ROBO2: variants seen among roughly 807,000 people sequenced by gnomAD.
The protein encoded by ROBO2 is roundabout homolog 2.
In ROBO2, 53 loss-of-function variants were observed where a neutral mutation model predicts 160.8. The ratio of observed to expected loss-of-function variants is 0.33; its 90% CI spans 0.26 to 0.41. ROBO2 has a LOEUF of 0.41. Ranked by LOEUF, ROBO2 falls within the 10% of genes least tolerant of loss-of-function variation. The pLI is 1.00. For synonymous variants in ROBO2, 664 were observed against 611.7 expected (o/e 1.09, Z -1.26); for missense variants, 1,577 against 1,722.4 (o/e 0.92, Z 1.49).
chr3:77,233,916 C>T (rs1188230013), intron 2 of ROBO2, among the ~76,000 whole-genome samples: 2 of 152,138 alleles, frequency 1.3e-5, no homozygotes, highest in Non-Finnish European at 2.9e-5. Flanking sequence ...TTAAAATTTG[C>T]ACAACTTAAA....
intron 5 of ROBO2, among the ~76,000 whole-genome samples, chr3:77,499,521 AG>A (rs2087242103): frequency 6.6e-6 from 1 of 152,178 alleles, no homozygotes; most frequent in Non-Finnish European, 1.5e-5. Flanking sequence ...AGTTAACTAC[AG>A]GGAAAAAAAT....
intron 2 of ROBO2, among the ~76,000 whole-genome samples, chr3:77,304,601 A>G (rs900593913): frequency 2.0e-5 from 3 of 152,142 alleles, no homozygotes; most frequent in African/African-American, 7.2e-5. Context: ...AGGGAAGGAG[A>G]ATGATTTTCC....
chr3:76,425,526 CTGTG>C (rs1577103602), intron 2 of ROBO2, among the ~76,000 whole-genome samples: 3 of 75,740 alleles, frequency 4.0e-5, no homozygotes, highest in Admixed American at 1.4e-4. Flanking sequence ...GTGTGTGTGT[CTGTG>C]TGTGTGTGTG....
intron 2 of ROBO2, among the ~76,000 whole-genome samples, chr3:75,970,338 GAA>G (rs1439938906): frequency 1.3e-5 from 2 of 151,464 alleles, no homozygotes; most frequent in Non-Finnish European, 3.0e-5. Context: ...GCACATTTTT[GAA>G]GCACAGGGTA....
At chr3:76,335,209 A>G (rs1228786086) in intron 2 of ROBO2, among the ~76,000 whole-genome samples, 3 of 120,242 alleles carry the variant, frequency 2.5e-5, no homozygotes, top group Admixed American at 1.0e-4. Context: ...TTTGAGACAG[A>G]GTCTCTCTGG....
intron 2 of ROBO2, among the ~76,000 whole-genome samples, chr3:76,203,291 C>T (rs780327772): frequency 9.2e-5 from 14 of 152,180 alleles, no homozygotes; most frequent in Non-Finnish European, 1.6e-4. Flanking sequence ...GGAATGAAAG[C>T]GAAGCCAAGG....
At position 76,209,776 on chromosome 3, in the gene ROBO2, G is replaced by A. The variant is rs370871051; in HGVS notation, c.109+272174G>A. Among the ~76,000 whole-genome samples the A allele has an allele frequency of 2.7e-3, 418 of 152,196 alleles. 3 individuals are homozygous for A. Among genetic ancestry groups the A allele is most frequent in the South Asian group, 0.016 (75 of 4,828 alleles). On this transcript the variant is annotated intron_variant, in intron 2 of 26. Coordinates refer to the ROBO2 transcript ENST00000487694. Reference sequence around the variant, plus strand: ...CAGCTGGGGATTAAACTACACAGGGGTATAGAGAATAAACATGGTCAACAA... The same window carrying A: ...CAGCTGGGGATTAAACTACACAGGGATATAGAGAATAAACATGGTCAACAA...
At chr3:76,600,327 T>G (rs1186382668) in intron 2 of ROBO2, among the ~76,000 whole-genome samples, 2 of 152,214 alleles carry the variant, frequency 1.3e-5, no homozygotes, top group Non-Finnish European at 2.9e-5. Flanking sequence ...AATAACAGAT[T>G]TTTTTAAACC....
chr3:76,100,729 A>C (rs1346427314), intron 2 of ROBO2, among the ~76,000 whole-genome samples: 2 of 152,218 alleles, frequency 1.3e-5, no homozygotes, highest in Non-Finnish European at 2.9e-5. Flanking sequence ...TTTGGATCAA[A>C]GGACAAACAT....
At chr3:77,129,645 G>A (rs956327244) in intron 2 of ROBO2, among the ~76,000 whole-genome samples, 6 of 152,166 alleles carry the variant, frequency 3.9e-5, no homozygotes, top group Non-Finnish European at 5.9e-5. Context: ...GTTGTGCAAC[G>A]TGCGGTCGGG....
intron 2 of ROBO2, among the ~76,000 whole-genome samples, chr3:76,871,489 G>A (rs985346754): frequency 6.7e-6 from 1 of 148,524 alleles, no homozygotes; most frequent in Non-Finnish European, 1.5e-5. Flanking sequence ...GGGAGGCGGA[G>A]CTTGCAGTGA....
intron 2 of ROBO2, among the ~76,000 whole-genome samples, chr3:76,828,741 G>A (rs1036407689): frequency 6.6e-6 from 1 of 151,934 alleles, no homozygotes; most frequent in African/African-American, 2.4e-5. Context: ...AAGCATACCT[G>A]GTCCCTTGAT....
At chr3:77,124,040 G>A (rs1241176840) in intron 2 of ROBO2, among the ~76,000 whole-genome samples, 1 of 145,094 alleles carries the variant, frequency 6.9e-6, no homozygotes, top group African/African-American at 2.5e-5. Context: ...ACATACGTGT[G>A]TAAAACATTT....
chr3:76,484,362 G>A (rs1322249060), intron 2 of ROBO2, among the ~76,000 whole-genome samples: 1 of 151,984 alleles, frequency 6.6e-6, no homozygotes, highest in African/African-American at 2.4e-5. Context: ...CTTAAATTTT[G>A]ATTTAAAAAA....
intron 4 of ROBO2, among the ~76,000 whole-genome samples, chr3:77,484,419 C>T (rs575914693): frequency 3.0e-4 from 45 of 151,558 alleles, no homozygotes; most frequent in Admixed American, 5.9e-4. Flanking sequence ...ATGCAATACA[C>T]GAAAACTTAT....
intron 2 of ROBO2, among the ~76,000 whole-genome samples, chr3:76,928,572 A>G (rs887866724): frequency 1.3e-5 from 2 of 151,610 alleles, no homozygotes; most frequent in African/African-American, 2.4e-5. Context: ...GCCAATGTCT[A>G]TGGGTGATTT....
At chr3:77,272,075 T>C (rs1158900662) in intron 2 of ROBO2, among the ~76,000 whole-genome samples, 1 of 152,158 alleles carries the variant, frequency 6.6e-6, no homozygotes, top group Non-Finnish European at 1.5e-5. Flanking sequence ...TGAGTAAAAA[T>C]ACTATTTTTC....
rs1229536335 is a variant in ROBO2, at chr3:77,410,702, C to CTCCTCCTCCTCCTCT, written c.389-66686_389-66672dup. Among the ~76,000 whole-genome samples, 327 of 97,652 alleles carry CTCCTCCTCCTCCTCT rather than the reference C, an allele frequency of 3.3e-3. 9 individuals carry two copies. Among genetic ancestry groups the CTCCTCCTCCTCCTCT allele is most frequent in the African/African-American group, 0.015 (286 of 18,462 alleles). 64.1% of individuals were successfully genotyped at this position (97,652 alleles called of 152,430 possible). A position where few individuals can be genotyped will look rare whatever the true frequency, so the allele number is the denominator to read the frequency against. On this transcript the variant is annotated intron_variant, in intron 2 of 25. Transcript: ENST00000461745. ...CCTCCTCCTCTTCCTCCTCCTCTTC[C>CTCCTCCTCCTCCTCT]TCCTCCTCCTCCTCTTCCTCCTCCT...
intron 1 of ROBO2, among the ~76,000 whole-genome samples, chr3:75,907,852 C>CGTGTGTGTGTGTGTGT (rs56058203): frequency 5.4e-5 from 8 of 148,680 alleles, no homozygotes; most frequent in African/African-American, 2.0e-4. Flanking sequence ...TAATCGTGTG[C>CGTGTGTGTGTGTGTGT]GTGTGTGTGT....
Sources: gnomAD v4.1 joint callset for allele counts (sites outside exome capture counted in the v4.1 genomes callset) on GRCh38, gnomAD v4.1.1 for gene constraint, MANE v1.5 for transcripts, NCBI Gene and HGNC (gene_info 2026-07-23, HGNC 2026-07-21) for gene names.